IGFBP3: variants seen among roughly 807,000 people sequenced by gnomAD.
IGFBP3 encodes the protein insulin like growth factor binding protein 3, also known as insulin-like growth factor-binding protein 3.
A neutral mutation model predicts 28.6 loss-of-function variants in IGFBP3; 9 were observed. The ratio of observed to expected loss-of-function variants is 0.31; its 90% CI spans 0.19 to 0.55. IGFBP3 has a LOEUF of 0.55. IGFBP3 is among the 20% of genes least tolerant of loss of function. The pLI, the probability that IGFBP3 is intolerant of heterozygous loss-of-function variation, is 0.93. For missense variants in IGFBP3, 382 were observed against 428.9 expected (o/e 0.89, Z 0.97); for synonymous variants, 185 against 188.2 (o/e 0.98, Z 0.14).
In IGFBP3 at chr7:45,921,154, G is replaced by A. The variant is rs1784685517; in HGVS notation, c.-14C>T. Reference sequence around the variant, plus strand: ...CGCCCGCTGCATGACGCCTGCAACCGGGGCACGCTGCTTGGCAGGCTGGGC... The same window carrying A: ...CGCCCGCTGCATGACGCCTGCAACCAGGGCACGCTGCTTGGCAGGCTGGGC... On this transcript the variant is annotated 5_prime_UTR_variant, in exon 1 of 5. Coordinates refer to ENST00000613132, the MANE Select transcript of IGFBP3 (RefSeq NM_000598.5). 7.3e-6 allele frequency: 11 copies of A among 1,502,554 alleles called. No individual in the cohort carries two copies. Among genetic ancestry groups the A allele is most frequent in the African/African-American group, 5.8e-5 (4 of 68,914 alleles). 93.1% of individuals were successfully genotyped at this position (1,502,554 alleles called of 1,614,324 possible). A position where few individuals can be genotyped will look rare whatever the true frequency, so the allele number is the denominator to read the frequency against.
chr7:45,915,109 C>CA, intron 3 of IGFBP3, 164 bp from the exon 4 acceptor site: 1 of 719,098 alleles, frequency 1.4e-6, no homozygotes, highest in Non-Finnish European at 2.3e-6. Context: ...CCTAGGCCCG[C>CA]TGAGTGTGCG....
chr7:45,915,261 A>C, intron 3 of IGFBP3: 1 of 277,468 alleles, frequency 3.6e-6, no homozygotes, highest in Non-Finnish European at 6.9e-6. Context: ...GACTGAGAAC[A>C]TCCCCGCTGC....
At chr7:45,914,352 G>A (rs976635463) in intron 4 of IGFBP3, 3 of 152,234 alleles carry the variant, frequency 2.0e-5, no homozygotes, top group African/African-American at 7.2e-5. Context: ...TCAAACTGAT[G>A]CTCTCCCAAC....
At chr7:45,916,465 C>T (rs1784609682) in intron 3 of IGFBP3, 83 bp downstream of exon 3, 2 of 1,431,584 alleles carry the variant, frequency 1.4e-6, no homozygotes, top group East Asian at 2.4e-5. Flanking sequence ...GAGCTATGGC[C>T]AGAAGAGCCT....
In IGFBP3 at chr7:45,913,382, G is replaced by A. The variant is rs1007242672; in HGVS notation, c.*468C>T. ...AGAAGGCTGTGAGCTCCAGGAGCAT[G>A]CGTTGGGATGTCCGGATGACCGGGG... On this transcript the variant is annotated 3_prime_UTR_variant, in exon 5 of 5. Transcript: ENST00000613132. The A allele has an allele frequency of 1.3e-5, 2 of 152,334 alleles. No homozygotes were observed. The highest frequency in any genetic ancestry group is 2.9e-5 in the Non-Finnish European group (2 of 68,146). The allele number at this position is 152,334 out of a possible 1,614,324, so 9.4% of individuals were successfully genotyped here.
At chr7:45,915,006 G>A in intron 3 of IGFBP3, 61 bp from the exon 4 acceptor site, 10 of 1,593,106 alleles carry the variant, frequency 6.3e-6, no homozygotes, top group Non-Finnish European at 7.7e-6. Flanking sequence ...TCAGGTCGGT[G>A]GCCAGGGCGC....
In IGFBP3 at chr7:45,920,841, C is replaced by G; in HGVS notation, c.300G>C (p.Glu100Asp). Residue 100 changes from glutamate to aspartate, a missense_variant, in exon 1 of 5, where the codon GAG (glutamate) becomes GAC (aspartate). Physicochemically the swap from Glu to Asp is conservative, Grantham distance 45. Transcript: ENST00000613132. Reference protein sequence around the residue: ...SGLRCQPSPDEARPLQALLDG... With the variant: ...SGLRCQPSPDDARPLQALLDG... ...CCAGCAGCGCCTGCAGCGGTCGCGC[C>G]TCGTCGGGCGACGGCTGGCAGCGAA... 1.4e-6 allele frequency: 2 copies of G among 1,412,752 alleles called. No homozygotes were observed. Among genetic ancestry groups the G allele is most frequent in the East Asian group, 3.1e-5 (1 of 32,500 alleles). 87.5% of individuals were successfully genotyped at this position (1,412,752 alleles called of 1,614,324 possible).
Position 45,917,433 on chromosome 7 carries a change from G to C in IGFBP3, c.410C>G (p.Ala137Gly). Residue 137 changes from alanine (A) to glycine (G), a missense_variant, in exon 2 of 5, where the codon GCT (alanine) becomes GGT (glycine). By Grantham distance (60) the Ala-to-Gly change is moderately conservative. Transcript: ENST00000613132. Reference sequence around the variant, plus strand: ...GCTGCGGTCTTCCTCCGACTCACTAGCATTTCCTTAAAACGCCCAAGAGAG... The same window carrying C: ...GCTGCGGTCTTCCTCCGACTCACTACCATTTCCTTAAAACGCCCAAGAGAG... The part of the protein sequence containing the change: ...LLPAPPAPGN[A>G]SESEEDRSAG... The C allele has an allele frequency of 1.2e-6, 2 of 1,607,380 alleles. No individual in the cohort carries two copies. Among genetic ancestry groups the C allele is most frequent in the Non-Finnish European group, 1.7e-6 (2 of 1,176,048 alleles).
intron 1 of IGFBP3, 144 bp downstream of exon 1, chr7:45,920,594 C>T: frequency 1.2e-6 from 1 of 828,354 alleles, no homozygotes; most frequent in Non-Finnish European, 1.6e-6. Context: ...CTTCACCTTT[C>T]CCGGAGCGCC....
rs1306286672 is a variant in IGFBP3, at chr7:45,917,406, G to A, written c.437C>T (p.Ala146Val). Reference sequence around the variant, plus strand: ...GACGGACGGGCTCTCCACACTGCCGGCGCTGCGGTCTTCCTCCGACTCACT... The same window carrying A: ...GACGGACGGGCTCTCCACACTGCCGACGCTGCGGTCTTCCTCCGACTCACT... ...NASESEEDRSAGSVESPSVSS... is the reference protein window; with the variant it reads ...NASESEEDRSVGSVESPSVSS... The change falls in exon 2 of 5, where the codon GCC (alanine) becomes GTC (valine). Residue 146 changes from alanine to valine, a missense_variant. Coordinates refer to ENST00000613132, the MANE Select transcript of IGFBP3 (RefSeq NM_000598.5). 4 of 1,613,640 alleles carry A rather than the reference G, an allele frequency of 2.5e-6. No homozygotes were observed. Among genetic ancestry groups the A allele is most frequent in the South Asian group, 2.2e-5 (2 of 91,030 alleles).
chr7:45,912,821 C>G lies in IGFBP3; in HGVS notation c.*1029G>C, dbSNP rs1784561655. On this transcript the variant is annotated 3_prime_UTR_variant, in exon 5 of 5. Coordinates refer to ENST00000613132, the MANE Select transcript of IGFBP3 (RefSeq NM_000598.5). ...AAGTTCAACAAACATGGGTGAATCT[C>G]TATGTGCTCCCAGTGTCCTGGATGG... is the stretch of plus-strand genomic sequence containing the variant. 1 of 152,192 alleles carries G rather than the reference C, an allele frequency of 6.6e-6. No homozygotes were observed. Among genetic ancestry groups the G allele is most frequent in the Admixed American group, 6.5e-5 (1 of 15,278 alleles). 9.4% of individuals were successfully genotyped at this position (152,192 alleles called of 1,614,324 possible). A position where few individuals can be genotyped will look rare whatever the true frequency, so the allele number is the denominator to read the frequency against.
chr7:45,919,146 G>A (rs1170022250), intron 1 of IGFBP3, among the ~76,000 whole-genome samples: 5 of 152,170 alleles, frequency 3.3e-5, no homozygotes, highest in African/African-American at 1.2e-4. Context: ...TTCTATTTAA[G>A]CAACAGATAA....
chr7:45,916,652 C>G lies in IGFBP3; in HGVS notation c.646G>C (p.Glu216Gln). The G allele has an allele frequency of 1.2e-6, 2 of 1,612,892 alleles. No individual in the cohort carries two copies. Among genetic ancestry groups the G allele is most frequent in the Non-Finnish European group, 1.7e-6 (2 of 1,179,006 alleles). The change falls in exon 3 of 5, where the codon GAA becomes CAA. Residue 216 changes from glutamate to glutamine, a missense_variant. Transcript: ENST00000613132. ...RETEYGPCRREMEDTLNHLKF... is the reference protein window; with the variant it reads ...RETEYGPCRRQMEDTLNHLKF... Reference sequence around the variant, plus strand: ...AGGTGATTCAGTGTGTCTTCCATTTCTCTACGGCAGGGACCCTGGGGATCA... The same window carrying G: ...AGGTGATTCAGTGTGTCTTCCATTTGTCTACGGCAGGGACCCTGGGGATCA...
Position 45,912,941 on chromosome 7 carries a change from G to A in IGFBP3, c.*909C>T, listed in dbSNP as rs1244279417. The A allele has an allele frequency of 6.6e-6, 1 of 152,144 alleles. No homozygotes were observed. The highest frequency in any genetic ancestry group is 1.5e-5 in the Non-Finnish European group (1 of 68,024). The allele number at this position is 152,144 out of a possible 1,614,324, so 9.4% of individuals were successfully genotyped here. ...ACAAAAGATGAGAGATGAAAATAAA[G>A]CTTTGCCTTTAAAGAGCTTATCCTC... On this transcript the variant is annotated 3_prime_UTR_variant, in exon 5 of 5. Coordinates refer to ENST00000613132, the MANE Select transcript of IGFBP3 (RefSeq NM_000598.5).
rs1583668781 is a variant in IGFBP3, at chr7:45,913,728, A to G, written c.*122T>C. 1 of 152,548 alleles carries G rather than the reference A, an allele frequency of 6.6e-6. No homozygotes were observed. The highest frequency in any genetic ancestry group is 2.1e-4 in the South Asian group (1 of 4,830). The allele number at this position is 152,548 out of a possible 1,614,324, so 9.4% of individuals were successfully genotyped here. ...TCTTTCTAAACTTTGGTTTAAAAAA[A>G]ATCAGTTCACCACAAACAGAAATAT... On this transcript the variant is annotated 3_prime_UTR_variant, in exon 5 of 5. Coordinates refer to ENST00000613132, the MANE Select transcript of IGFBP3 (RefSeq NM_000598.5).
In IGFBP3 at chr7:45,919,796, C is replaced by A. The variant is rs897700221; in HGVS notation, c.403+942G>T. Among the ~76,000 whole-genome samples, 3 of 152,126 alleles carry A rather than the reference C, an allele frequency of 2.0e-5. No individual in the cohort carries two copies. In the East Asian group the frequency reaches 5.8e-4, roughly 29 times the overall value. ...ACCCCCGCTCCTTTTTTTAAGGGAACAATGTGATGCCCTTACCAGAGTCGC... is the reference window on the plus strand; with the variant it reads ...ACCCCCGCTCCTTTTTTTAAGGGAAAAATGTGATGCCCTTACCAGAGTCGC... On this transcript the variant is annotated intron_variant, in intron 1 of 4. Transcript: ENST00000613132.
chr7:45,914,530 C>A, intron 4 of IGFBP3: 1 of 261,452 alleles, frequency 3.8e-6, no homozygotes, highest in Non-Finnish European at 7.3e-6. Flanking sequence ...TGAATGATAG[C>A]TTAGGTGCTG....
chr7:45,920,703 T>TGCTGCACGCAGCGCACCTGGC (rs1370718987), intron 1 of IGFBP3, 35 bp downstream of exon 1: 90 of 1,361,258 alleles, frequency 6.6e-5, no homozygotes, highest in Non-Finnish European at 1.0e-5. Flanking sequence ...GTGCGCCGGG[T>TGCTGCACGCAGCGCACCTGGC]GCTGCACGCA....
intron 3 of IGFBP3, chr7:45,915,389 T>C (rs760936001): frequency 1.7e-4 from 29 of 172,004 alleles, no homozygotes; most frequent in Admixed American, 3.7e-4. Context: ...AAACGAGCAA[T>C]GGCAATGGAG....
Sources: gnomAD v4.1 joint callset for allele counts (sites outside exome capture counted in the v4.1 genomes callset) on GRCh38, gnomAD v4.1.1 for gene constraint, MANE v1.5 for transcripts, NCBI Gene and HGNC (gene_info 2026-07-23, HGNC 2026-07-21) for gene names.